The following KCTD16 variants were observed in gnomAD, a reference collection of about 807,000 sequenced individuals.
KCTD16 encodes potassium channel tetramerization domain containing 16, also known as BTB/POZ domain-containing protein KCTD16.
In KCTD16, 13 loss-of-function variants were observed where a neutral mutation model predicts 33.2. That is an observed-to-expected ratio of 0.39 (90% CI 0.25 to 0.62). The LOEUF (loss-of-function observed/expected upper bound fraction) is 0.62. Ranked by LOEUF, KCTD16 falls within the 20% of genes least tolerant of loss-of-function variation. The pLI, the probability that KCTD16 is intolerant of heterozygous loss-of-function variation, is 0.50. For missense variants in KCTD16, 441 were observed against 525.1 expected, an observed-to-expected ratio of 0.84 and a Z score of 1.57; for synonymous variants, 197 against 195.3, an observed-to-expected ratio of 1.01 and a Z score of -0.07.
At chr5:144,460,587 A>G (rs1438187623) in intron 3 of KCTD16, among the ~76,000 whole-genome samples, 1 of 152,166 alleles carries the variant, frequency 6.6e-6, no homozygotes, top group Non-Finnish European at 1.5e-5. Flanking sequence ...AATTACAGGC[A>G]TAGGCCACCA....
chr5:144,361,483 G>A (rs990868107), intron 3 of KCTD16, among the ~76,000 whole-genome samples: 12 of 152,186 alleles, frequency 7.9e-5, no homozygotes, highest in Non-Finnish European at 1.5e-4. Flanking sequence ...CGATTCAGAT[G>A]TATTATGTCC....
At chr5:144,418,025 G>A (rs1253146066) in intron 3 of KCTD16, among the ~76,000 whole-genome samples, 2 of 152,102 alleles carry the variant, frequency 1.3e-5, no homozygotes, top group African/African-American at 2.4e-5. Context: ...TAGTCTTGCT[G>A]ACTTCAGGTG....
At position 144,477,029 on chromosome 5, in the gene KCTD16, A is replaced by G. The variant is rs1754609747; in HGVS notation, c.*2915A>G. On this transcript the variant is annotated 3_prime_UTR_variant, in exon 4 of 4. Coordinates refer to ENST00000512467, the MANE Select transcript of KCTD16 (RefSeq NM_020768.4). ...CCCAACTTAGATTGCCTTCTGGGAA[A>G]TCCCGCGATACTAAAATCCAGTGAG... The G allele has an allele frequency of 6.6e-6, 1 of 152,106 alleles. No individual in the cohort carries two copies. The highest frequency in any genetic ancestry group is 1.5e-5 in the Non-Finnish European group (1 of 67,984). The allele number at this position is 152,106 out of a possible 1,614,324, so 9.4% of individuals were successfully genotyped here.
At chr5:144,203,798 T>A (rs2126787215) in intron 2 of KCTD16, among the ~76,000 whole-genome samples, 1 of 152,352 alleles carries the variant, frequency 6.6e-6, no homozygotes, top group South Asian at 2.1e-4. Context: ...AATATTTATT[T>A]TGTTGTCATG....
chr5:144,205,332 A>T (rs1182268448), intron 2 of KCTD16: 9 of 390,064 alleles, frequency 2.3e-5, no homozygotes, highest in Non-Finnish European at 3.6e-5. Context: ...TATTCCTTTA[A>T]GATGATGTAA....
intron 3 of KCTD16, among the ~76,000 whole-genome samples, chr5:144,380,783 G>A (rs916709514): frequency 5.3e-5 from 8 of 152,074 alleles, no homozygotes; most frequent in Non-Finnish European, 1.2e-4. Context: ...ATCGAAACTG[G>A]ACTACTTCCT....
intron 3 of KCTD16, among the ~76,000 whole-genome samples, chr5:144,315,664 A>G (rs533356083): frequency 6.6e-5 from 10 of 152,304 alleles, no homozygotes; most frequent in Non-Finnish European, 1.3e-4. Flanking sequence ...AGTTTAGTAC[A>G]TGAGAGAACT....
intron 3 of KCTD16, among the ~76,000 whole-genome samples, chr5:144,366,406 C>T (rs968339886): frequency 3.3e-5 from 5 of 152,202 alleles, no homozygotes; most frequent in African/African-American, 9.7e-5. Context: ...TCTCCCCTGA[C>T]ATCCTTTGCT....
At chr5:144,249,892 A>G (rs1378263880) in intron 3 of KCTD16, among the ~76,000 whole-genome samples, 4 of 152,182 alleles carry the variant, frequency 2.6e-5, no homozygotes, top group Non-Finnish European at 4.4e-5. Context: ...ATGATATCAC[A>G]GGCACTGATA....
In KCTD16 at chr5:144,412,149, G is replaced by A. The variant is rs1752946886; in HGVS notation, c.833-61511G>A. On this transcript the variant is annotated intron_variant, in intron 3 of 3. Coordinates refer to ENST00000512467, the MANE Select transcript of KCTD16 (RefSeq NM_020768.4). ...AAAACTAAAAATAGGACTACAGTTT[G>A]ATCCAACAATTCCACTACTGTGTGC... Among the ~76,000 whole-genome samples the A allele has an allele frequency of 2.6e-5, 4 of 152,286 alleles. No individual in the cohort carries two copies. In the South Asian group the frequency reaches 8.3e-4, roughly 32 times the overall value.
intron 3 of KCTD16, among the ~76,000 whole-genome samples, chr5:144,450,810 G>A (rs1447567844): frequency 6.6e-6 from 1 of 152,074 alleles, no homozygotes; most frequent in Non-Finnish European, 1.5e-5. Flanking sequence ...AGCAAGTGGG[G>A]AGTTGCTGCT....
rs570578881 is a variant in KCTD16, at chr5:144,343,152, G to A, written c.833-130508G>A. Among the ~76,000 whole-genome samples, 498 of 152,316 alleles carry A rather than the reference G, an allele frequency of 3.3e-3. 2 individuals are homozygous for A. The highest frequency in any genetic ancestry group is 0.012 in the African/African-American group (479 of 41,560). ...TGATTGGAATAGTTTCAGAAGGAATGATACCAGTTCCTCCTTGTACCTCTG... is the reference window on the plus strand; with the variant it reads ...TGATTGGAATAGTTTCAGAAGGAATAATACCAGTTCCTCCTTGTACCTCTG... On this transcript the variant is annotated intron_variant, in intron 3 of 3. Transcript: ENST00000512467.
chr5:144,287,422 T>C (rs557129650), intron 3 of KCTD16, among the ~76,000 whole-genome samples: 4 of 152,270 alleles, frequency 2.6e-5, no homozygotes, highest in African/African-American at 9.6e-5. Flanking sequence ...GTTCATGCAT[T>C]CTTACAGCCA....
At chr5:144,180,390 T>C (rs1752598206) in intron 2 of KCTD16, among the ~76,000 whole-genome samples, 1 of 152,218 alleles carries the variant, frequency 6.6e-6, no homozygotes, top group Non-Finnish European at 1.5e-5. Flanking sequence ...TAAATTCTTC[T>C]GCCATATTTC....
chr5:144,303,487 G>A (rs1011212308), intron 3 of KCTD16, among the ~76,000 whole-genome samples: 1 of 152,114 alleles, frequency 6.6e-6, no homozygotes, highest in African/African-American at 2.4e-5. Flanking sequence ...GCTTTTGTGT[G>A]GCAAGAGCAA....
At chr5:144,348,072 C>A (rs1184170182) in intron 3 of KCTD16, among the ~76,000 whole-genome samples, 1 of 152,174 alleles carries the variant, frequency 6.6e-6, no homozygotes, top group Non-Finnish European at 1.5e-5. Context: ...TAACTTACTT[C>A]CACTCTTTGA....
chr5:144,197,269 A>G lies in KCTD16; in HGVS notation c.-326-9120A>G, dbSNP rs374040461. 2.0e-4 allele frequency among the ~76,000 whole-genome samples: 31 copies of G among 152,164 alleles called. No individual in the cohort carries two copies. The East Asian group carries it at 3.1e-3, about 15-fold the overall frequency. On this transcript the variant is annotated intron_variant, in intron 2 of 3. Coordinates refer to ENST00000512467, the MANE Select transcript of KCTD16 (RefSeq NM_020768.4). The stretch of plus-strand genomic sequence containing the variant: ...CCTAAAAGCAATGTCTTATTTCTAT[A>G]AGCTTTTAAATTCTGGAACATAAAC...
At chr5:144,442,803 C>A (rs1478133345) in intron 3 of KCTD16, among the ~76,000 whole-genome samples, 1 of 152,078 alleles carries the variant, frequency 6.6e-6, no homozygotes, top group African/African-American at 2.4e-5. Flanking sequence ...AGAACCACAA[C>A]TAAGGTGGTT....
chr5:144,315,653 CA>C (rs1751887305), intron 3 of KCTD16, among the ~76,000 whole-genome samples: 1 of 151,962 alleles, frequency 6.6e-6, no homozygotes, highest in Non-Finnish European at 1.5e-5. Context: ...TATTATTTCC[CA>C]GTTTAGTACA....
Sources: allele counts gnomAD v4.1 joint callset (sites outside exome capture counted in the v4.1 genomes callset), GRCh38; gene constraint gnomAD v4.1.1; transcripts MANE v1.5; gene names NCBI Gene and HGNC (gene_info 2026-07-23, HGNC 2026-07-21).